The following SLC25A25 variants were observed in gnomAD, a reference collection of about 807,000 sequenced individuals.
SLC25A25 encodes the protein solute carrier family 25 member 25, also known as mitochondrial adenyl nucleotide antiporter SLC25A25.
In SLC25A25, 32 loss-of-function variants were observed where a neutral mutation model predicts 57.7. The observed-to-expected ratio is 0.55, with a 90% CI of 0.42 to 0.74. The LOEUF is 0.74. Among genes scored for constraint, SLC25A25 ranks in the 30% least tolerant of loss-of-function variants. SLC25A25 has a pLI of 0.00. For synonymous variants in SLC25A25, 306 were observed against 291.2 expected, an observed-to-expected ratio of 1.05 and a Z score of -0.52; for missense variants, 556 against 701.3, an observed-to-expected ratio of 0.79 and a Z score of 2.34.
rs1260386443 is a variant in SLC25A25, at chr9:128,068,429, G to C, written c.110G>C (p.Gly37Ala). 9 of 1,559,598 alleles carry C rather than the reference G, an allele frequency of 5.8e-6. No individual in the cohort carries two copies. The highest frequency in any genetic ancestry group is 6.9e-6 in the Non-Finnish European group (8 of 1,163,374). The change falls in exon 1 of 11, where the codon GGC becomes GCC. Residue 37 changes from glycine to alanine, a missense_variant. Gly to Ala is a moderately conservative substitution (Grantham distance 60, BLOSUM62 0). Around this residue, in one of 3 missense-constraint regions of SLC25A25, gnomAD observed 248 missense variants for 273.5 expected, o/e 0.91. Transcript: ENST00000373069. Reference sequence around the variant, plus strand: ...CCGGCGTCCGTGGGGGACCCCTGCGGCGGCGCTATCTGCGGGGGCCCGGAC... The same window carrying C: ...CCGGCGTCCGTGGGGGACCCCTGCGCCGGCGCTATCTGCGGGGGCCCGGAC... ...SSPASVGDPC[G>A]GAICGGPDHR...
At chr9:128,083,333 T>C (rs969418079) in intron 1 of SLC25A25, among the ~76,000 whole-genome samples, 6 of 151,954 alleles carry the variant, frequency 3.9e-5, no homozygotes, top group African/African-American at 1.4e-4. Context: ...ATTTAATTTA[T>C]GGAAAAGGCC....
At chr9:128,091,970 GC>G in intron 1 of SLC25A25, 1 of 1,613,962 alleles carries the variant, frequency 6.2e-7, no homozygotes, top group Non-Finnish European at 8.5e-7. Context: ...AGGCACCCCA[GC>G]CCCTGCCTGG....
chr9:128,075,901 G>A (rs1833000971), intron 1 of SLC25A25, among the ~76,000 whole-genome samples: 2 of 152,096 alleles, frequency 1.3e-5, no homozygotes, highest in African/African-American at 4.8e-5. Context: ...TCCCCACAAG[G>A]GAATGATAGA....
Position 128,068,614 on chromosome 9 carries a change from G to T in SLC25A25, c.261+34G>T, listed in dbSNP as rs370789774. 4.9e-5 allele frequency: 68 copies of T among 1,400,044 alleles called. No homozygotes were observed. In the South Asian group the frequency reaches 1.1e-3, roughly 23 times the overall value. 86.7% of individuals were successfully genotyped at this position (1,400,044 alleles called of 1,614,324 possible). On this transcript the variant is annotated intron_variant, in intron 1 of 10. Transcript: ENST00000373069. ...CGCGCGTCCTCAGCACTGGCGGGGAGGGAGCCCCTCGAGGGCCGGGTGACA... is the reference window on the plus strand; with the variant it reads ...CGCGCGTCCTCAGCACTGGCGGGGATGGAGCCCCTCGAGGGCCGGGTGACA...
intron 1 of SLC25A25, among the ~76,000 whole-genome samples, chr9:128,073,793 G>A (rs2041527396): frequency 6.6e-6 from 1 of 151,228 alleles, no homozygotes; most frequent in African/African-American, 2.4e-5. Flanking sequence ...GGAGTGCAGT[G>A]GCGTGATCTC....
chr9:128,101,445 A>G lies in SLC25A25; in HGVS notation c.476+49A>G. 6.3e-7 allele frequency: 1 copy of G among 1,594,808 alleles called. No homozygotes were observed. The stretch of plus-strand genomic sequence containing the variant: ...GTTTGGTTTAAGTGTGATGAAGGGA[A>G]GGCTCTGAGACTAACCCTCCGATGC... On this transcript the variant is annotated intron_variant, in intron 3 of 10. Coordinates refer to ENST00000373069, the MANE Select transcript of SLC25A25 (RefSeq NM_001330988.2). The surrounding 1 kb of genome is among the most constrained non-coding windows in gnomAD (Gnocchi z 4.9).
intron 1 of SLC25A25, among the ~76,000 whole-genome samples, chr9:128,071,940 T>G (rs1832918051): frequency 6.6e-6 from 1 of 152,194 alleles, no homozygotes; most frequent in Non-Finnish European, 1.5e-5. Flanking sequence ...CTCGAACTCT[T>G]GACCTCAAGT....
rs1020108279 is a variant in SLC25A25 at position 128,099,351 on chromosome 9, G to T, written c.262-1745G>T. On this transcript the variant is annotated intron_variant, in intron 1 of 10. Transcript: ENST00000373069. This position sits in a 1 kb window ranked among gnomAD's most constrained non-coding sequence, Gnocchi z 6.8. ...GAGGCCCAGGCCCTGTGAGGCAGAA[G>T]CAAGCACTTTGAGAATGCGTTGAAG... 1 of 1,250,254 alleles carries T rather than the reference G, an allele frequency of 8.0e-7. No individual in the cohort carries two copies. Among genetic ancestry groups the T allele is most frequent in the African/African-American group, 1.6e-5 (1 of 63,530 alleles). 77.4% of individuals were successfully genotyped at this position (1,250,254 alleles called of 1,614,324 possible).
rs569770191 is a variant in SLC25A25, at chr9:128,101,847, G to A, written c.477-233G>A. Among the ~76,000 whole-genome samples the A allele has an allele frequency of 2.0e-5, 3 of 152,320 alleles. No individual in the cohort carries two copies. The highest frequency in any genetic ancestry group is 7.2e-5 in the African/African-American group (3 of 41,566). ...CGGGGCGGCTGCCAGGAAATCTCAT[G>A]GAACAGCCCTGGGAGTTGCCGTCTG... On this transcript the variant is annotated intron_variant, in intron 3 of 10. Coordinates refer to ENST00000373069, the MANE Select transcript of SLC25A25 (RefSeq NM_001330988.2). The surrounding 1 kb of genome is among the most constrained non-coding windows in gnomAD (Gnocchi z 4.9).
At position 128,103,845 on chromosome 9, in the gene SLC25A25, T is replaced by C. The variant is rs201717806; in HGVS notation, c.783+6T>C. 1.3e-6 allele frequency: 2 copies of C among 1,564,666 alleles called. No homozygotes were observed. Among genetic ancestry groups the C allele is most frequent in the East Asian group, 2.3e-5 (1 of 43,378 alleles). ...GGCTCAAGGTGCTCATGCAGGTATG[T>C]AGGGAAAAGGCCCCAGACCCCTGGG... On this transcript the variant is annotated splice_donor_region_variant and intron_variant, in intron 6 of 10. Transcript: ENST00000373069. This position sits in a 1 kb window ranked among gnomAD's most constrained non-coding sequence, Gnocchi z 6.7.
Position 128,102,486 on chromosome 9 carries a change from G to C in SLC25A25, c.624+5G>C. 1.2e-6 allele frequency: 2 copies of C among 1,610,100 alleles called. No homozygotes were observed. The highest frequency in any genetic ancestry group is 1.7e-6 in the Non-Finnish European group (2 of 1,176,972). ...CTCTACTGGAAGCATTCCACGGTGA[G>C]CCCCACGTGCCCAGGGCCCTCATCT... On this transcript the variant is annotated splice_donor_5th_base_variant and intron_variant, in intron 5 of 10. Coordinates refer to ENST00000373069, the MANE Select transcript of SLC25A25 (RefSeq NM_001330988.2). The surrounding 1 kb of genome is among the most constrained non-coding windows in gnomAD (Gnocchi z 4.1).
At chr9:128,090,298 C>T (rs888550180) in intron 1 of SLC25A25, among the ~76,000 whole-genome samples, 8 of 152,148 alleles carry the variant, frequency 5.3e-5, no homozygotes, top group Admixed American at 3.3e-4. Flanking sequence ...CTGCAACCTC[C>T]GCCTCCTGGG....
At chr9:128,079,302 C>T (rs573182209) in intron 1 of SLC25A25, among the ~76,000 whole-genome samples, 1 of 151,954 alleles carries the variant, frequency 6.6e-6, no homozygotes, top group South Asian at 2.1e-4. Context: ...CTCCTGTCCT[C>T]CCTCCCTGTT....
In SLC25A25 at chr9:128,068,271, C is replaced by T. The variant is rs1300076889; in HGVS notation, c.-49C>T. On this transcript the variant is annotated 5_prime_UTR_variant, in exon 1 of 11. Transcript: ENST00000373069. ...TTGCCTCCCGCGCGGTCACCGCCGG[C>T]CCGCCGCCCCCGCTCCCGCCCGCGC... 3.9e-5 allele frequency: 45 copies of T among 1,151,404 alleles called. No homozygotes were observed. Among genetic ancestry groups the T allele is most frequent in the Non-Finnish European group, 5.0e-5 (45 of 905,190 alleles). The allele number at this position is 1,151,404 out of a possible 1,614,324, so 71.3% of individuals were successfully genotyped here.
intron 1 of SLC25A25, among the ~76,000 whole-genome samples, chr9:128,077,877 T>C (rs1208577355): frequency 2.0e-5 from 3 of 151,810 alleles, no homozygotes; most frequent in Non-Finnish European, 4.4e-5. Flanking sequence ...AATACAAAAA[T>C]TAGCCGAGCA....
In SLC25A25 at chr9:128,098,446, G is replaced by A. The variant is rs75132622; in HGVS notation, c.262-2650G>A. On this transcript the variant is annotated intron_variant, in intron 1 of 10. Transcript: ENST00000373069. ...TTTTTCAATTAAGTAAAAGGGCAGG[G>A]CTTAAGCAGCCAATGACAGCTGAGG... The A allele has an allele frequency of 6.2e-6, 9 of 1,460,606 alleles. 1 individual carries two copies. In the Admixed American group the frequency reaches 1.6e-4, roughly 25 times the overall value. The allele number at this position is 1,460,606 out of a possible 1,614,324, so 90.5% of individuals were successfully genotyped here.
At chr9:128,080,245 AAAAAC>A (rs1350721408) in intron 1 of SLC25A25, among the ~76,000 whole-genome samples, 5 of 53,566 alleles carry the variant, frequency 9.3e-5, no homozygotes, top group Non-Finnish European at 1.8e-4. Flanking sequence ...AAAAAAACAA[AAAAAC>A]AAAAAAAAAA....
rs147539248 is a variant in SLC25A25 at position 128,108,388 on chromosome 9, C to A, written c.*944C>A. ...CGACTTCTGTGCTTCCAGAGGAAGA[C>A]GAGGGAGCAGGAGCTTGGCTGACTG... On this transcript the variant is annotated 3_prime_UTR_variant, in exon 11 of 11. Transcript: ENST00000373069. 2.5e-6 allele frequency: 1 copy of A among 397,648 alleles called. No individual in the cohort carries two copies. Among genetic ancestry groups the A allele is most frequent in the Non-Finnish European group, 4.4e-6 (1 of 225,704 alleles). 24.6% of individuals were successfully genotyped at this position (397,648 alleles called of 1,614,324 possible).
chr9:128,073,600 CTATAA>C (rs1832949646), intron 1 of SLC25A25, among the ~76,000 whole-genome samples: 2 of 152,158 alleles, frequency 1.3e-5, no homozygotes, highest in African/African-American at 4.8e-5. Context: ...ACATTATTCG[CTATAA>C]TATAATGGCC....
Sources: gnomAD v4.1 joint callset for allele counts (sites outside exome capture counted in the v4.1 genomes callset) on GRCh38, gnomAD v4.1.1 for gene constraint, gnomAD v4.1.1 regional missense constraint, Gnocchi (gnomAD v3.1) non-coding constraint, MANE v1.5 for transcripts, NCBI Gene and HGNC (gene_info 2026-07-23, HGNC 2026-07-21) for gene names.